Variants in ARID2 observed in about 807,000 individuals in gnomAD.
ARID2 encodes the protein AT-rich interactive domain-containing protein 2.
A neutral mutation model predicts 184.6 loss-of-function variants in ARID2; 32 were observed. The observed-to-expected ratio is 0.17, with a 90% CI of 0.13 to 0.23. The LOEUF is 0.23. Among genes scored for constraint, ARID2 ranks in the 10% least tolerant of loss-of-function variants. The probability of loss-of-function intolerance (pLI) is 1.00; values close to 1 mark genes in which losing one functional copy is unlikely to be tolerated. For synonymous variants in ARID2, 836 were observed against 772.6 expected (o/e 1.08, Z -1.36); for missense variants, 1,696 against 2,197.6 (o/e 0.77, Z 4.56).
At chr12:45,752,212 G>T (rs187096589) in intron 3 of ARID2, among the ~76,000 whole-genome samples, 7 of 152,116 alleles carry the variant, frequency 4.6e-5, no homozygotes, top group Non-Finnish European at 1.0e-4. Context: ...ATTATTGAAC[G>T]CCATGAACAA....
chr12:45,743,858 T>C (rs976298946), intron 3 of ARID2, among the ~76,000 whole-genome samples: 3 of 152,200 alleles, frequency 2.0e-5, no homozygotes, highest in Admixed American at 1.3e-4. Flanking sequence ...AGGGATATTG[T>C]TATTGTTGTT....
At chr12:45,847,648 C>A (rs981229106) in intron 12 of ARID2, among the ~76,000 whole-genome samples, 3 of 151,976 alleles carry the variant, frequency 2.0e-5, no homozygotes, top group East Asian at 1.9e-4. Flanking sequence ...TTAAAAATTT[C>A]TTGATCACTT....
chr12:45,803,498 A>G (rs980822567), intron 3 of ARID2, among the ~76,000 whole-genome samples: 1 of 152,218 alleles, frequency 6.6e-6, no homozygotes, highest in Non-Finnish European at 1.5e-5. Context: ...AAAGTACTTC[A>G]AATTCTGGAT....
At chr12:45,793,605 GTA>G (rs1355263679) in intron 3 of ARID2, among the ~76,000 whole-genome samples, 1 of 150,082 alleles carries the variant, frequency 6.7e-6, no homozygotes, top group Non-Finnish European at 1.5e-5. Context: ...CATAAGCATT[GTA>G]TATTTCTATT....
At chr12:45,796,846 G>A (rs1292986551) in intron 3 of ARID2, among the ~76,000 whole-genome samples, 3 of 152,180 alleles carry the variant, frequency 2.0e-5, no homozygotes, top group African/African-American at 7.2e-5. Flanking sequence ...GTAGGAGAAA[G>A]ATCTCTGAGA....
At chr12:45,819,996 G>A (rs997771334) in intron 5 of ARID2, among the ~76,000 whole-genome samples, 1 of 151,918 alleles carries the variant, frequency 6.6e-6, no homozygotes, top group Non-Finnish European at 1.5e-5. Context: ...TGCCCGCCTC[G>A]GCCTCCCAGA....
intron 3 of ARID2, among the ~76,000 whole-genome samples, chr12:45,787,953 T>C (rs1942226586): frequency 6.6e-6 from 1 of 152,194 alleles, no homozygotes; most frequent in African/African-American, 2.4e-5. Context: ...ATAGGGCACA[T>C]TAAGCATTCA....
intron 16 of ARID2, among the ~76,000 whole-genome samples, chr12:45,891,245 C>G (rs1944297293): frequency 6.6e-6 from 1 of 151,882 alleles, no homozygotes; most frequent in Non-Finnish European, 1.5e-5. Context: ...TCTTTGCTGT[C>G]TAGATTCCAC....
intron 3 of ARID2, among the ~76,000 whole-genome samples, chr12:45,783,165 T>A (rs1942129903): frequency 6.6e-6 from 1 of 151,812 alleles, no homozygotes; most frequent in Admixed American, 6.6e-5. Context: ...ATTCTCATGA[T>A]TGAAAAAAAA....
chr12:45,765,053 G>C (rs1205713740), intron 3 of ARID2, among the ~76,000 whole-genome samples: 3 of 152,154 alleles, frequency 2.0e-5, no homozygotes, highest in African/African-American at 7.2e-5. Flanking sequence ...TAAAAGATGT[G>C]TAATAATATC....
chr12:45,801,156 C>T (rs1169480367), intron 3 of ARID2, among the ~76,000 whole-genome samples: 6 of 151,792 alleles, frequency 4.0e-5, no homozygotes, highest in Non-Finnish European at 5.9e-5. Context: ...ACTAAAAATA[C>T]AAAAAATTAG....
At chr12:45,886,415 G>A (rs1274060257) in intron 16 of ARID2, among the ~76,000 whole-genome samples, 1 of 152,220 alleles carries the variant, frequency 6.6e-6, no homozygotes, top group Non-Finnish European at 1.5e-5. Context: ...TTGGCATTGA[G>A]TGTCTGCGGT....
intron 3 of ARID2, among the ~76,000 whole-genome samples, chr12:45,788,077 A>C (rs1382117215): frequency 6.6e-6 from 1 of 152,212 alleles, no homozygotes; most frequent in African/African-American, 2.4e-5. Flanking sequence ...TAACAAATGC[A>C]TTACCTCACA....
intron 3 of ARID2, among the ~76,000 whole-genome samples, chr12:45,778,620 C>T (rs1233204906): frequency 6.6e-6 from 1 of 151,988 alleles, no homozygotes. Flanking sequence ...AGTGTATTTA[C>T]TTAGGTTAGT....
In ARID2 at chr12:45,860,798, C is replaced by G; in HGVS notation, c.4774-3C>G. ...CAAACTCTGCATTTGTTCTTTTTCA[C>G]AGAACACTCCTATGCCACCTTCACC... is the stretch of plus-strand genomic sequence containing the variant. On this transcript the variant is annotated splice_polypyrimidine_tract_variant and splice_region_variant and intron_variant, in intron 15 of 20. Transcript: ENST00000334344. 6.6e-7 allele frequency: 1 copy of G among 1,525,434 alleles called. No individual in the cohort carries two copies. The allele number at this position is 1,525,434 out of a possible 1,614,324, so 94.5% of individuals were successfully genotyped here.
At chr12:45,766,196 C>A (rs1478077227) in intron 3 of ARID2, among the ~76,000 whole-genome samples, 4 of 150,592 alleles carry the variant, frequency 2.7e-5, no homozygotes, top group African/African-American at 9.8e-5. Context: ...GAGACAGAGT[C>A]TTGCTCTGTC....
At chr12:45,786,324 GT>G (rs1942196016) in intron 3 of ARID2, among the ~76,000 whole-genome samples, 1 of 152,162 alleles carries the variant, frequency 6.6e-6, no homozygotes, top group Non-Finnish European at 1.5e-5. Context: ...ATCCTTATAA[GT>G]ATGGTGACTA....
intron 3 of ARID2, among the ~76,000 whole-genome samples, chr12:45,757,197 A>G (rs1941586802): frequency 6.6e-6 from 1 of 152,204 alleles, no homozygotes; most frequent in Non-Finnish European, 1.5e-5. Context: ...AGCATTCCCA[A>G]ACTGTTAAGT....
rs190937709 is a variant in ARID2, at chr12:45,881,243, C to T, written c.4923-10537C>T. On this transcript the variant is annotated intron_variant, in intron 16 of 20. Transcript: ENST00000334344. ...CTACTGGCCAAACTGGGTTACTGTCCACTTCCTGGTTTCAGAAGCTTCTCT... is the reference window on the plus strand; with the variant it reads ...CTACTGGCCAAACTGGGTTACTGTCTACTTCCTGGTTTCAGAAGCTTCTCT... The T allele has an allele frequency of 3.3e-3, 516 of 155,906 alleles. 4 individuals carry two copies. Among genetic ancestry groups the T allele is most frequent in the Non-Finnish European group, 5.1e-3 (357 of 69,786 alleles). The allele number at this position is 155,906 out of a possible 1,614,324, so 9.7% of individuals were successfully genotyped here.
Sources: gnomAD v4.1 joint callset for allele counts (sites outside exome capture counted in the v4.1 genomes callset) on GRCh38, gnomAD v4.1.1 for gene constraint, MANE v1.5 for transcripts, NCBI Gene and HGNC (gene_info 2026-07-23, HGNC 2026-07-21) for gene names.